The following LHFPL3 variants were observed in gnomAD, a reference collection of about 807,000 sequenced individuals.
LHFPL3 encodes LHFPL tetraspan subfamily member 3 protein.
A neutral mutation model predicts 19.3 loss-of-function variants in LHFPL3; 5 were observed. The ratio of observed to expected loss-of-function variants is 0.26; its 90% confidence interval spans 0.14 to 0.54. The LOEUF is 0.54. Among genes scored for constraint, LHFPL3 ranks in the 20% least tolerant of loss-of-function variants. The pLI, the probability that LHFPL3 is intolerant of heterozygous loss-of-function variation, is 0.94. For missense variants in LHFPL3, 249 were observed against 307.4 expected, an observed-to-expected ratio of 0.81 and a Z score of 1.42; for synonymous variants, 133 against 126.2, an observed-to-expected ratio of 1.05 and a Z score of -0.36.
chr7:104,430,415 T>C (rs6945108), intron 1 of LHFPL3, among the ~76,000 whole-genome samples: 2 of 23,974 alleles, frequency 8.3e-5, no homozygotes, highest in African/African-American at 5.4e-4. Flanking sequence ...CATATATATA[T>C]ATACATATAT....
intron 1 of LHFPL3, among the ~76,000 whole-genome samples, chr7:104,614,348 A>G (rs1031431565): frequency 6.6e-6 from 1 of 152,160 alleles, no homozygotes; most frequent in African/African-American, 2.4e-5. Flanking sequence ...GATAGCCCCA[A>G]AAGTCTCTGT....
At chr7:104,580,121 AC>A (rs1447956275) in intron 1 of LHFPL3, among the ~76,000 whole-genome samples, 3 of 152,170 alleles carry the variant, frequency 2.0e-5, no homozygotes, top group Non-Finnish European at 4.4e-5. Context: ...AAATTAAAAT[AC>A]TCACTCATCT....
chr7:104,644,287 A>G (rs1430338718), intron 1 of LHFPL3, among the ~76,000 whole-genome samples: 1 of 152,152 alleles, frequency 6.6e-6, no homozygotes, highest in Non-Finnish European at 1.5e-5. Flanking sequence ...CCCCCTCCAC[A>G]TCCTCTTTCC....
At chr7:104,868,723 G>A (rs186244944) in intron 2 of LHFPL3, among the ~76,000 whole-genome samples, 4 of 152,026 alleles carry the variant, frequency 2.6e-5, no homozygotes, top group African/African-American at 7.2e-5. Context: ...TGGAAAAAAC[G>A]ACTTTAAAGT....
At chr7:104,649,563 C>A (rs753782981) in intron 1 of LHFPL3, among the ~76,000 whole-genome samples, 2 of 152,184 alleles carry the variant, frequency 1.3e-5, no homozygotes, top group African/African-American at 4.8e-5. Flanking sequence ...AGGAGGGGAG[C>A]AGGAGACCAG....
At chr7:104,536,406 G>C (rs1794389057) in intron 1 of LHFPL3, among the ~76,000 whole-genome samples, 1 of 152,126 alleles carries the variant, frequency 6.6e-6, no homozygotes, top group Non-Finnish European at 1.5e-5. Context: ...CAGCCCACGA[G>C]TATTTTGCCT....
intron 1 of LHFPL3, among the ~76,000 whole-genome samples, chr7:104,449,407 T>C (rs1423160369): frequency 6.6e-6 from 1 of 152,214 alleles, no homozygotes; most frequent in Non-Finnish European, 1.5e-5. Flanking sequence ...AATCTGAGTA[T>C]ACTGAGCCAA....
chr7:104,892,305 C>T (rs142304097), intron 2 of LHFPL3, among the ~76,000 whole-genome samples: 50 of 152,102 alleles, frequency 3.3e-4, no homozygotes, highest in African/African-American at 1.1e-3. Context: ...ATTTAATTTT[C>T]AAAATAATAG....
intron 1 of LHFPL3, among the ~76,000 whole-genome samples, chr7:104,480,188 T>G (rs1384335954): frequency 6.6e-6 from 1 of 152,190 alleles, no homozygotes; most frequent in African/African-American, 2.4e-5. Context: ...ATTAATCACT[T>G]AACTTCTCTG....
chr7:104,430,448 A>T (rs1584315274), intron 1 of LHFPL3, among the ~76,000 whole-genome samples: 2 of 21,110 alleles, frequency 9.5e-5, no homozygotes, highest in Non-Finnish European at 7.5e-5. Context: ...ATATATATAT[A>T]TATATATTTT....
At chr7:104,479,825 T>C (rs1793096611) in intron 1 of LHFPL3, among the ~76,000 whole-genome samples, 1 of 152,238 alleles carries the variant, frequency 6.6e-6, no homozygotes, top group Non-Finnish European at 1.5e-5. Context: ...CCAAACCTCA[T>C]AGTGGTACTT....
intron 1 of LHFPL3, among the ~76,000 whole-genome samples, chr7:104,436,835 T>C (rs1792116455): frequency 6.6e-6 from 1 of 152,346 alleles, no homozygotes; most frequent in Non-Finnish European, 1.5e-5. Flanking sequence ...TAACATTACA[T>C]TTTAATATTT....
At chr7:104,527,574 C>T (rs939215298) in intron 1 of LHFPL3, among the ~76,000 whole-genome samples, 1 of 152,128 alleles carries the variant, frequency 6.6e-6, no homozygotes, top group South Asian at 2.1e-4. Flanking sequence ...AAAAAGCCTT[C>T]AAATTGGACA....
intron 1 of LHFPL3, among the ~76,000 whole-genome samples, chr7:104,499,664 G>A (rs928117489): frequency 1.3e-5 from 2 of 152,152 alleles, no homozygotes; most frequent in Admixed American, 1.3e-4. Context: ...ACCTAGTGAC[G>A]AGTAATAAGA....
chr7:104,514,177 C>A (rs1051276654), intron 1 of LHFPL3, among the ~76,000 whole-genome samples: 4 of 152,142 alleles, frequency 2.6e-5, no homozygotes, highest in Admixed American at 2.6e-4. Context: ...GATACAGATT[C>A]AAGAAGCTCT....
chr7:104,861,526 C>T (rs529985520), intron 2 of LHFPL3, among the ~76,000 whole-genome samples: 1 of 152,126 alleles, frequency 6.6e-6, no homozygotes, highest in Admixed American at 6.5e-5. Context: ...GATGACAGGG[C>T]CTCCCGGGTT....
chr7:104,472,199 T>G (rs566720051), intron 1 of LHFPL3, among the ~76,000 whole-genome samples: 1 of 151,340 alleles, frequency 6.6e-6, no homozygotes, highest in South Asian at 2.1e-4. Flanking sequence ...AAATCACTAC[T>G]CAAGGCTAGT....
chr7:104,823,275 G>T (rs1034439358), intron 2 of LHFPL3, among the ~76,000 whole-genome samples: 2 of 152,204 alleles, frequency 1.3e-5, no homozygotes, highest in Admixed American at 1.3e-4. Flanking sequence ...GAGTTTGGAA[G>T]GCCCAGGTTC....
At chr7:104,472,186 A>AG (rs893375627) in intron 1 of LHFPL3, among the ~76,000 whole-genome samples, 13 of 152,024 alleles carry the variant, frequency 8.6e-5, no homozygotes, top group Non-Finnish European at 1.9e-4. Context: ...CAAAAAAAAA[A>AG]AAAAATCACT....
Sources: allele counts gnomAD v4.1 joint callset (sites outside exome capture counted in the v4.1 genomes callset), GRCh38; gene constraint gnomAD v4.1.1; transcripts MANE v1.5; gene names NCBI Gene and HGNC (gene_info 2026-07-23, HGNC 2026-07-21).